AKAP19: variants seen among roughly 807,000 people sequenced by gnomAD.
AKAP19 encodes small A-kinase anchoring protein.
the AKAP19 span, among the ~76,000 whole-genome samples, chr2:190,006,980 A>G: frequency 6.6e-6 from 1 of 152,312 alleles, no homozygotes; most frequent in East Asian, 1.9e-4. Context: ...AGATCGCACC[A>G]CTGCACTCCA....
the AKAP19 span, among the ~76,000 whole-genome samples, chr2:190,129,632 G>A: frequency 6.7e-6 from 1 of 148,700 alleles, no homozygotes; most frequent in South Asian, 2.2e-4. Context: ...GTTCTCGGTG[G>A]GTTGCAGCAT....
chr2:190,188,495 T>G, the AKAP19 span, among the ~76,000 whole-genome samples: 1 of 152,228 alleles, frequency 6.6e-6, no homozygotes, highest in Non-Finnish European at 1.5e-5. Flanking sequence ...AGACTAAAAA[T>G]TAATTCAGGA....
the AKAP19 span, among the ~76,000 whole-genome samples, chr2:190,074,060 A>T: frequency 6.6e-6 from 1 of 150,772 alleles, no homozygotes; most frequent in African/African-American, 2.5e-5. Flanking sequence ...AAAAAAAAAA[A>T]TTGCAGAATA....
the AKAP19 span, among the ~76,000 whole-genome samples, chr2:189,896,154 T>C: frequency 6.6e-6 from 1 of 152,164 alleles, no homozygotes; most frequent in African/African-American, 2.4e-5. Context: ...TATACAAATA[T>C]ATTATTTCTA....
At chr2:189,985,903 A>G in the AKAP19 span, among the ~76,000 whole-genome samples, 2 of 152,356 alleles carry the variant, frequency 1.3e-5, no homozygotes, top group Non-Finnish European at 2.9e-5. Context: ...CTAAACAAAC[A>G]TTGTATAAAA....
chr2:189,892,287 T>C, the AKAP19 span, among the ~76,000 whole-genome samples: 1 of 151,948 alleles, frequency 6.6e-6, no homozygotes, highest in Non-Finnish European at 1.5e-5. Flanking sequence ...TGGCGAGGAG[T>C]TGTGATCCTT....
the AKAP19 span, among the ~76,000 whole-genome samples, chr2:190,167,873 G>T: frequency 6.6e-6 from 1 of 152,226 alleles, no homozygotes; most frequent in Non-Finnish European, 1.5e-5. Flanking sequence ...TTCAGTGTAT[G>T]TGGCTTTTCC....
At chr2:190,113,071 T>G in the AKAP19 span, among the ~76,000 whole-genome samples, 1 of 152,180 alleles carries the variant, frequency 6.6e-6, no homozygotes, top group South Asian at 2.1e-4. Context: ...CAATTTTTTT[T>G]TCTAATTTAC....
At chr2:190,199,423 T>A in the AKAP19 span, among the ~76,000 whole-genome samples, 1 of 144,080 alleles carries the variant, frequency 6.9e-6, no homozygotes, top group Non-Finnish European at 1.5e-5. Flanking sequence ...AAAAATTGAA[T>A]TGTTTTGGTA....
chr2:190,180,798 C>A, the AKAP19 span: 1 of 985,318 alleles, frequency 1.0e-6, no homozygotes, highest in Non-Finnish European at 1.2e-6. This position sits in a 1 kb window ranked among gnomAD's most constrained non-coding sequence, Gnocchi z 6.8. Context: ...GCGCGGCGGG[C>A]GCGGCGGCGA....
the AKAP19 span, among the ~76,000 whole-genome samples, chr2:190,074,718 A>T: frequency 1.3e-5 from 2 of 152,130 alleles, no homozygotes; most frequent in East Asian, 3.9e-4. Context: ...TACAGAAGAG[A>T]TAAAAGTGTC....
the AKAP19 span, among the ~76,000 whole-genome samples, chr2:190,004,730 A>C: frequency 6.6e-6 from 1 of 152,102 alleles, no homozygotes; most frequent in Admixed American, 6.6e-5. Flanking sequence ...TAACTAGCAG[A>C]CACATCATAG....
chr2:189,967,988 T>A, the AKAP19 span, among the ~76,000 whole-genome samples: 1 of 152,108 alleles, frequency 6.6e-6, no homozygotes, highest in Non-Finnish European at 1.5e-5. Context: ...GAAAAAAAAT[T>A]TTGATTAACA....
chr2:190,061,808 C>T, the AKAP19 span, among the ~76,000 whole-genome samples: 1 of 150,786 alleles, frequency 6.6e-6, no homozygotes, highest in African/African-American at 2.4e-5. Context: ...CTTAAACATC[C>T]AGCAAGTTTC....
At chr2:189,912,184 C>T in the AKAP19 span, among the ~76,000 whole-genome samples, 36 of 151,854 alleles carry the variant, frequency 2.4e-4, no homozygotes, top group African/African-American at 8.7e-4. Flanking sequence ...AGAACCAATT[C>T]AGTTTTTTCT....
the AKAP19 span, among the ~76,000 whole-genome samples, chr2:189,939,417 G>GA: frequency 0.042 from 6,281 of 150,944 alleles, 408 homozygotes; most frequent in African/African-American, 0.14. Flanking sequence ...CCTAGCAGTG[G>GA]AAAAAAAAAG....
chr2:190,057,244 G>A, the AKAP19 span: 33 of 1,612,538 alleles, frequency 2.0e-5, no homozygotes, highest in East Asian at 3.6e-4. Flanking sequence ...AGTTATGAAC[G>A]CTTAATATAA....
At chr2:190,028,220 A>C in the AKAP19 span, among the ~76,000 whole-genome samples, 1 of 152,122 alleles carries the variant, frequency 6.6e-6, no homozygotes, top group African/African-American at 2.4e-5. Context: ...GGAGGGTTTC[A>C]GATGGTTTTA....
At chr2:190,013,387 G>T in the AKAP19 span, among the ~76,000 whole-genome samples, 1 of 151,934 alleles carries the variant, frequency 6.6e-6, no homozygotes, top group South Asian at 2.1e-4. Context: ...CCAATTTATT[G>T]CTTATAATTG....
Sources: allele counts gnomAD v4.1 joint callset (sites outside exome capture counted in the v4.1 genomes callset), GRCh38; gene constraint gnomAD v4.1.1; non-coding constraint Gnocchi (gnomAD v3.1); transcripts MANE v1.5; gene names NCBI Gene and HGNC (gene_info 2026-07-23, HGNC 2026-07-21).